Variants in SLC3A1 observed in about 807,000 individuals in gnomAD.
SLC3A1 encodes the protein amino acid transporter heavy chain SLC3A1.
A neutral mutation model predicts 60.3 loss-of-function variants in SLC3A1; 78 were observed. The ratio of observed to expected loss-of-function variants is 1.29; its 90% confidence interval spans 1.08 to 1.56. SLC3A1 has a LOEUF of 1.56. SLC3A1 is among the 40% of genes most tolerant of loss of function. The pLI, the probability that SLC3A1 is intolerant of heterozygous loss-of-function variation, is 0.00. For missense variants in SLC3A1, 1,172 were observed against 858.9 expected, an observed-to-expected ratio of 1.36 and a Z score of -4.56; for synonymous variants, 392 against 307.9, an observed-to-expected ratio of 1.27 and a Z score of -2.86.
At position 44,317,217 on chromosome 2, in the gene SLC3A1, C is replaced by G. The variant is rs1252249627; in HGVS notation, c.1618-2982C>G. On this transcript the variant is annotated intron_variant, in intron 9 of 9. Transcript: ENST00000260649. ...GTGGCTCACGCCTATAATCCCAGCA[C>G]TTTGGGAGGCCAAGACTGGAGGATC... Among the ~76,000 whole-genome samples the G allele has an allele frequency of 1.3e-5, 2 of 152,144 alleles. 1 individual carries two copies. Among genetic ancestry groups the G allele is most frequent in the African/African-American group, 4.8e-5 (2 of 41,434 alleles).
chr2:44,310,805 G>GT (rs533721855), intron 7 of SLC3A1, among the ~76,000 whole-genome samples: 12,528 of 145,696 alleles, frequency 0.086, 579 homozygotes, highest in Non-Finnish European at 0.11. Context: ...TGAGAGTCTG[G>GT]TTTTTTTTTT....
intron 5 of SLC3A1, 87 bp downstream of exon 5, chr2:44,300,177 C>A: frequency 7.3e-7 from 1 of 1,376,444 alleles, no homozygotes; most frequent in Non-Finnish European, 1.0e-6. Flanking sequence ...ATACCAGTTA[C>A]AAAGATGAGT....
In SLC3A1 at chr2:44,275,777, G is replaced by T. The variant is rs201617723; in HGVS notation, c.242G>T (p.Arg81Leu). 6.8e-6 allele frequency: 11 copies of T among 1,614,112 alleles called. No homozygotes were observed. The East Asian group carries it at 1.8e-4, about 26-fold the overall frequency. ...CTGTTCCAGTTCTCTGGCCAGGCCCGCTACCGCATACCTCGGGAGATCCTC... is the reference window on the plus strand; with the variant it reads ...CTGTTCCAGTTCTCTGGCCAGGCCCTCTACCGCATACCTCGGGAGATCCTC... The part of the protein sequence containing the change: ...EVLFQFSGQA[R>L]YRIPREILFW... Residue 81 changes from arginine to leucine, a missense_variant, in exon 1 of 10, where the codon CGC (arginine) becomes CTC (leucine). Coordinates refer to ENST00000260649, the MANE Select transcript of SLC3A1 (RefSeq NM_000341.4).
Position 44,312,618 on chromosome 2 carries a change from G to A in SLC3A1, c.1365G>A (p.Ser455=), listed in dbSNP as rs555997742. The change falls in exon 8 of 10, where the codon TCG becomes TCA. Residue 455 remains serine (S), a synonymous_variant. Coordinates refer to ENST00000260649, the MANE Select transcript of SLC3A1 (RefSeq NM_000341.4). The part of the protein sequence containing the change: ...IGGPDSSRLT[S]RLGNQYVNVM... ...GACCAGACAGTTCACGGCTGACTTC[G>A]CGTTTGGGGAATCAGTATGTCAACG... is the stretch of plus-strand genomic sequence containing the variant. 38 of 1,613,890 alleles carry A rather than the reference G, an allele frequency of 2.4e-5. No homozygotes were observed. The highest frequency in any genetic ancestry group is 2.0e-4 in the Admixed American group (12 of 60,014).
chr2:44,310,168 C>T (rs937918617), intron 7 of SLC3A1, among the ~76,000 whole-genome samples: 5 of 152,150 alleles, frequency 3.3e-5, no homozygotes, highest in Non-Finnish European at 5.9e-5. Context: ...GTTAGGATTA[C>T]AGGTGTGAGC....
At chr2:44,299,637 A>T (rs938929528) in intron 4 of SLC3A1, among the ~76,000 whole-genome samples, 1 of 152,190 alleles carries the variant, frequency 6.6e-6, no homozygotes, top group South Asian at 2.1e-4. Context: ...TTCCTAGTTT[A>T]TTCTGAGTCC....
chr2:44,281,475 T>C lies in SLC3A1; in HGVS notation c.699T>C (p.Tyr233=), dbSNP rs1454026785. 1.9e-6 allele frequency: 3 copies of C among 1,613,848 alleles called. No homozygotes were observed. Among genetic ancestry groups the C allele is most frequent in the Non-Finnish European group, 2.5e-6 (3 of 1,179,742 alleles). The change falls in exon 3 of 10, where the codon TAT becomes TAC. Residue 233 remains tyrosine (Y), a synonymous_variant. Transcript: ENST00000260649. ...TGAGTCGGACACGGACAGGAAAATA[T>C]ACTGATTATTATATCTGGCATGACT... is the stretch of plus-strand genomic sequence containing the variant. ...FQLSRTRTGK[Y]TDYYIWHDCT... is the part of the protein sequence containing the mutation.
intron 6 of SLC3A1, among the ~76,000 whole-genome samples, chr2:44,301,682 C>T (rs993450262): frequency 8.3e-5 from 11 of 132,692 alleles, no homozygotes; most frequent in African/African-American, 1.8e-4. Context: ...GAGGTTGCAG[C>T]GAGTCAAGAT....
chr2:44,305,358 A>T (rs1672125932), intron 7 of SLC3A1, among the ~76,000 whole-genome samples: 2 of 151,584 alleles, frequency 1.3e-5, no homozygotes, highest in Admixed American at 6.6e-5. Context: ...TCAAAGTCCC[A>T]CGGTAATAGT....
At chr2:44,308,732 A>ATTT (rs566593033) in intron 7 of SLC3A1, among the ~76,000 whole-genome samples, 2 of 147,212 alleles carry the variant, frequency 1.4e-5, no homozygotes, top group Admixed American at 1.4e-4. Context: ...TTCCTGAAGA[A>ATTT]TTTTTTTTTT....
At chr2:44,300,930 A>G in intron 5 of SLC3A1, 73 bp from the exon 6 acceptor site, 4 of 1,591,676 alleles carry the variant, frequency 2.5e-6, no homozygotes, top group Admixed American at 1.7e-5. Context: ...GAGGTTGTCT[A>G]CATTCATATA....
intron 6 of SLC3A1, among the ~76,000 whole-genome samples, chr2:44,302,010 A>G (rs1418810031): frequency 6.6e-6 from 1 of 152,140 alleles, no homozygotes; most frequent in Non-Finnish European, 1.5e-5. Context: ...AGCTGAGATC[A>G]TGCCACTGTG....
chr2:44,284,659 C>T (rs1307207595), intron 3 of SLC3A1, among the ~76,000 whole-genome samples: 1 of 152,138 alleles, frequency 6.6e-6, no homozygotes, highest in Non-Finnish European at 1.5e-5. Context: ...AGCTCCTAGG[C>T]TCAAGCAATC....
chr2:44,275,963 A>T lies in SLC3A1; in HGVS notation c.428A>T (p.Lys143Ile), dbSNP rs748313629. ...DSNKDGNGDL[K>I]GIQDKLDYIT... ...AACAAGGATGGGAACGGAGATCTGAAAGGTACATGCCCAGAGATCATTTAG... is the reference window on the plus strand; with the variant it reads ...AACAAGGATGGGAACGGAGATCTGATAGGTACATGCCCAGAGATCATTTAG... The change falls in exon 1 of 10, where the codon AAA becomes ATA. Residue 143 changes from lysine (K) to isoleucine (I), a missense_variant and splice_region_variant. Transcript: ENST00000260649. 1.2e-6 allele frequency: 2 copies of T among 1,613,996 alleles called. No individual in the cohort carries two copies. The highest frequency in any genetic ancestry group is 1.7e-6 in the Non-Finnish European group (2 of 1,179,844).
rs189441718 is a variant in SLC3A1, at chr2:44,284,016, T to A, written c.766-2016T>A. 9.6e-4 allele frequency among the ~76,000 whole-genome samples: 146 copies of A among 152,306 alleles called. 1 individual carries two copies. Among genetic ancestry groups the A allele is most frequent in the African/African-American group, 3.4e-3 (141 of 41,544 alleles). On this transcript the variant is annotated intron_variant, in intron 3 of 9. Transcript: ENST00000260649. ...ATGGGAAGTTGGGCTACTTCCGTTT[T>A]TTTTATTATGAACAATGTTACTATA...
Position 44,321,155 on chromosome 2 carries a change from G to T in SLC3A1, c.*516G>T, listed in dbSNP as rs1445809209. 3 of 557,968 alleles carry T rather than the reference G, an allele frequency of 5.4e-6. No individual in the cohort carries two copies. The South Asian group carries it at 7.1e-5, about 13-fold the overall frequency. 34.6% of individuals were successfully genotyped at this position (557,968 alleles called of 1,614,324 possible). A position where few individuals can be genotyped will look rare whatever the true frequency, so the allele number is the denominator to read the frequency against. On this transcript the variant is annotated 3_prime_UTR_variant, in exon 10 of 10. Transcript: ENST00000260649. ...CATGATTTGAAAATTACTTTCCTAG[G>T]TTAATGGGCATGTGCATCAATGGAG... is the stretch of plus-strand genomic sequence containing the variant.
intron 4 of SLC3A1, among the ~76,000 whole-genome samples, chr2:44,292,713 G>A (rs534607767): frequency 2.0e-5 from 3 of 152,148 alleles, no homozygotes; most frequent in African/African-American, 4.8e-5. Flanking sequence ...AGAGGAAAGC[G>A]TGGATCGTGA....
At chr2:44,308,137 C>G (rs990238701) in intron 7 of SLC3A1, among the ~76,000 whole-genome samples, 2 of 152,162 alleles carry the variant, frequency 1.3e-5, no homozygotes, top group African/African-American at 4.8e-5. Context: ...GACCCCGTCT[C>G]TAAATGTAAA....
Position 44,320,471 on chromosome 2 carries a change from C to T in SLC3A1, c.1890C>T (p.Gly630=), listed in dbSNP as rs767759640. The T allele has an allele frequency of 3.1e-6, 5 of 1,614,120 alleles. No homozygotes were observed. Among genetic ancestry groups the T allele is most frequent in the Non-Finnish European group, 2.5e-6 (3 of 1,179,974 alleles). The change falls in exon 10 of 10, where the codon GGC becomes GGT. Residue 630 remains glycine (G), a synonymous_variant. Transcript: ENST00000260649. ...TAAGTACCAATTCTGCCGACAAAGG[C>T]AGTAAAGTTGATACAAGTGGCATTT... ...IRLSTNSADK[G]SKVDTSGIFL...
Sources: allele counts gnomAD v4.1 joint callset (sites outside exome capture counted in the v4.1 genomes callset), GRCh38; gene constraint gnomAD v4.1.1; transcripts MANE v1.5; gene names NCBI Gene and HGNC (gene_info 2026-07-23, HGNC 2026-07-21).